MED13L: variants seen among roughly 807,000 people sequenced by gnomAD.
MED13L encodes the protein mediator of RNA polymerase II transcription subunit 13-like.
MED13L carries 7 observed loss-of-function variants against 220.9 expected under a neutral mutation model. The ratio of observed to expected loss-of-function variants is 0.03; its 90% CI spans 0.02 to 0.06. The LOEUF (loss-of-function observed/expected upper bound fraction) is 0.06. Ranked by LOEUF, MED13L falls within the 10% of genes least tolerant of loss-of-function variation. The pLI is 1.00. For missense variants in MED13L, 1,965 were observed against 2,760.5 expected, an observed-to-expected ratio of 0.71 and a Z score of 6.46; for synonymous variants, 1,011 against 1,015.2, an observed-to-expected ratio of 1.00 and a Z score of 0.08.
chr12:116,042,812 G>A (rs1484074415), intron 4 of MED13L, among the ~76,000 whole-genome samples: 2 of 152,116 alleles, frequency 1.3e-5, no homozygotes, highest in African/African-American at 2.4e-5. Context: ...AGCCTATGAG[G>A]TGGAATGAGA....
intron 4 of MED13L, among the ~76,000 whole-genome samples, chr12:116,035,509 CTATATAA>C (rs1360364048): frequency 6.6e-6 from 1 of 152,044 alleles, no homozygotes; most frequent in Non-Finnish European, 1.5e-5. Context: ...CTCACTTAAG[CTATATAA>C]TATATTTTGT....
rs370566263 is a variant in MED13L at position 116,109,768 on chromosome 12, C to T, written c.395+1660G>A. On this transcript the variant is annotated intron_variant, in intron 3 of 30. Coordinates refer to ENST00000281928, the MANE Select transcript of MED13L (RefSeq NM_015335.5). Reference sequence around the variant, plus strand: ...CAAATATTTAGAATACTTAAGAGTACTCAACTCTTAAATCAATGGTTCCAC... The same window carrying T: ...CAAATATTTAGAATACTTAAGAGTATTCAACTCTTAAATCAATGGTTCCAC... 8.6e-4 allele frequency among the ~76,000 whole-genome samples: 131 copies of T among 152,232 alleles called. 6 individuals are homozygous for T. In the South Asian group the frequency reaches 0.027, roughly 32 times the overall value.
intron 4 of MED13L, among the ~76,000 whole-genome samples, chr12:116,081,810 T>A (rs1593021585): frequency 6.6e-6 from 1 of 152,164 alleles, no homozygotes; most frequent in Admixed American, 6.5e-5. Flanking sequence ...GCGGCTGCAG[T>A]GAGCTGTGAT....
At chr12:116,059,755 T>C (rs1869287733) in intron 4 of MED13L, among the ~76,000 whole-genome samples, 1 of 152,152 alleles carries the variant, frequency 6.6e-6, no homozygotes. Context: ...ATTTTATGCT[T>C]TTAAATATAT....
chr12:116,250,025 TAAAAAA>T (rs71095516), intron 1 of MED13L, among the ~76,000 whole-genome samples: 1 of 40,462 alleles, frequency 2.5e-5, no homozygotes, highest in Non-Finnish European at 4.2e-5. Context: ...CAGCATAAAC[TAAAAAA>T]AAAAAAAAAA....
At chr12:116,091,508 C>T (rs1872209806) in intron 4 of MED13L, among the ~76,000 whole-genome samples, 2 of 152,264 alleles carry the variant, frequency 1.3e-5, no homozygotes, top group African/African-American at 4.8e-5. Context: ...ACCTGGTACA[C>T]GAAAGATACT....
At chr12:115,987,003 A>T (rs1305747782) in intron 18 of MED13L, 106 bp downstream of exon 18, 1 of 1,142,200 alleles carries the variant, frequency 8.8e-7, no homozygotes, top group Non-Finnish European at 1.3e-6. Context: ...AAAGAAAAAG[A>T]CTCCCCTATT....
chr12:116,054,219 C>A (rs1868757457), intron 4 of MED13L, among the ~76,000 whole-genome samples: 1 of 151,858 alleles, frequency 6.6e-6, no homozygotes, highest in Non-Finnish European at 1.5e-5. Context: ...CACAAACACA[C>A]ACACACACAC....
intron 27 of MED13L, 53 bp downstream of exon 27, chr12:115,970,541 C>T (rs1876509321): frequency 6.3e-7 from 1 of 1,577,300 alleles, no homozygotes. Context: ...ATTCCATACT[C>T]CGGCTCTGCC....
intron 2 of MED13L, among the ~76,000 whole-genome samples, chr12:116,126,374 CTG>C (rs1875589347): frequency 6.6e-6 from 1 of 152,168 alleles, no homozygotes; most frequent in African/African-American, 2.4e-5. Context: ...AGGGCACAGT[CTG>C]GAGTAGGGCA....
rs138594649 is a variant in MED13L at position 116,227,630 on chromosome 12, C to G, written c.310+9838G>C. ...CACAAACCACACCCATATAAAACAG[C>G]AGACTGAACCAATTGATCACTATTG... On this transcript the variant is annotated intron_variant, in intron 2 of 30. Transcript: ENST00000281928. Among the ~76,000 whole-genome samples, 76 of 152,270 alleles carry G rather than the reference C, an allele frequency of 5.0e-4. No individual in the cohort carries two copies. The East Asian group carries it at 8.7e-3, about 17-fold the overall frequency.
At chr12:116,123,339 A>G (rs1875255575) in intron 2 of MED13L, among the ~76,000 whole-genome samples, 1 of 152,220 alleles carries the variant, frequency 6.6e-6, no homozygotes, top group African/African-American at 2.4e-5. Context: ...AACAGGAATC[A>G]TCACAAGATA....
intron 6 of MED13L, 68 bp from the exon 7 acceptor site, chr12:116,019,480 T>C (rs773818645): frequency 7.5e-5 from 116 of 1,545,508 alleles, no homozygotes; most frequent in Non-Finnish European, 1.0e-4. Flanking sequence ...TCCAATTTTA[T>C]GATTCCAATG....
chr12:116,220,566 G>C (rs1423541446), intron 2 of MED13L, among the ~76,000 whole-genome samples: 3 of 152,160 alleles, frequency 2.0e-5, no homozygotes, highest in Non-Finnish European at 4.4e-5. Flanking sequence ...AGGCATGGTG[G>C]TGCTCATTTG....
intron 2 of MED13L, among the ~76,000 whole-genome samples, chr12:116,143,614 T>C (rs1372421988): frequency 1.3e-5 from 2 of 152,206 alleles, no homozygotes; most frequent in African/African-American, 4.8e-5. Flanking sequence ...ATTTCCGTTA[T>C]TCTCTGGGAC....
chr12:116,062,605 A>G (rs911566331), intron 4 of MED13L, among the ~76,000 whole-genome samples: 2 of 149,360 alleles, frequency 1.3e-5, no homozygotes, highest in African/African-American at 5.0e-5. Flanking sequence ...CTCCTGTCTC[A>G]TCCTCCTGAG....
intron 2 of MED13L, among the ~76,000 whole-genome samples, chr12:116,126,021 T>C (rs1337045884): frequency 1.3e-5 from 2 of 152,176 alleles, no homozygotes; most frequent in Non-Finnish European, 2.9e-5. Flanking sequence ...AACAACCTAT[T>C]GGAAAGCAAT....
intron 23 of MED13L, among the ~76,000 whole-genome samples, chr12:115,978,131 T>C (rs1010396904): frequency 3.9e-5 from 6 of 152,024 alleles, no homozygotes; most frequent in Non-Finnish European, 7.4e-5. Context: ...ATAAGAAATG[T>C]CCAGAACAGG....
intron 2 of MED13L, among the ~76,000 whole-genome samples, chr12:116,125,698 T>C (rs190900630): frequency 2.6e-5 from 4 of 152,280 alleles, no homozygotes; most frequent in Admixed American, 2.6e-4. Context: ...AAGTCATGAC[T>C]CCCCCAAAAC....
Sources: allele counts gnomAD v4.1 joint callset (sites outside exome capture counted in the v4.1 genomes callset), GRCh38; gene constraint gnomAD v4.1.1; transcripts MANE v1.5; gene names NCBI Gene and HGNC (gene_info 2026-07-23, HGNC 2026-07-21).